The following HIKESHI variants were observed in gnomAD, a reference collection of about 807,000 sequenced individuals.
HIKESHI encodes protein Hikeshi.
Under a neutral mutation model 25.7 loss-of-function variants are expected in HIKESHI, and 13 were observed. That is an observed-to-expected ratio of 0.51 (90% CI 0.33 to 0.80). The LOEUF (loss-of-function observed/expected upper bound fraction) is 0.80, where lower values mean the gene tolerates loss of function less well. HIKESHI is among the 30% of genes least tolerant of loss of function. The pLI is 0.02. For synonymous variants in HIKESHI, 76 were observed against 78.7 expected, an observed-to-expected ratio of 0.97 and a Z score of 0.18; for missense variants, 174 against 229.5, an observed-to-expected ratio of 0.76 and a Z score of 1.56.
At chr11:86,320,281 G>T (rs962056933) in intron 2 of HIKESHI, among the ~76,000 whole-genome samples, 1 of 152,080 alleles carries the variant, frequency 6.6e-6, no homozygotes, top group African/African-American at 2.4e-5. Context: ...AAGAAATCTT[G>T]TAAAGAACAA....
At chr11:86,317,071 C>T (rs1057001616) in intron 2 of HIKESHI, among the ~76,000 whole-genome samples, 3 of 152,002 alleles carry the variant, frequency 2.0e-5, no homozygotes, top group Non-Finnish European at 4.4e-5. Context: ...GGATTACAGG[C>T]ATGAGCCACC....
chr11:86,344,254 T>C (rs1593883347), intron 3 of HIKESHI: 1 of 177,516 alleles, frequency 5.6e-6, no homozygotes, highest in East Asian at 1.4e-4. Context: ...TTTTTTTCTT[T>C]TTTTTTCCCC....
rs78373250 is a variant in HIKESHI at position 86,334,529 on chromosome 11, G to A, written c.269-2850G>A. On this transcript the variant is annotated intron_variant, in intron 2 of 4. Coordinates refer to ENST00000278483, the MANE Select transcript of HIKESHI (RefSeq NM_016401.4). The stretch of plus-strand genomic sequence containing the variant: ...ATATTAAGACTAGGTCATATATTTT[G>A]CTTGCTCTTCTTTGTATTATGATTT... Among the ~76,000 whole-genome samples the A allele has an allele frequency of 6.6e-4, 101 of 152,142 alleles. 1 individual carries two copies. The East Asian group carries it at 0.018, about 27-fold the overall frequency.
chr11:86,318,531 C>T (rs1462786229), intron 2 of HIKESHI, among the ~76,000 whole-genome samples: 1 of 151,678 alleles, frequency 6.6e-6, no homozygotes, highest in Non-Finnish European at 1.5e-5. Context: ...GCCAATATAA[C>T]CTTCATACCA....
chr11:86,305,190 G>A (rs115896242), intron 1 of HIKESHI, among the ~76,000 whole-genome samples: 232 of 151,326 alleles, frequency 1.5e-3, no homozygotes, highest in African/African-American at 5.4e-3. Flanking sequence ...TGTAGAGATC[G>A]GATTTTGCCA....
intron 2 of HIKESHI, among the ~76,000 whole-genome samples, chr11:86,325,148 A>C (rs1445015943): frequency 6.6e-6 from 1 of 152,030 alleles, no homozygotes; most frequent in Non-Finnish European, 1.5e-5. Context: ...ACTCTTCTCC[A>C]GCCTGGATGA....
chr11:86,316,138 AG>A, intron 2 of HIKESHI, among the ~76,000 whole-genome samples: 1 of 125,198 alleles, frequency 8.0e-6, no homozygotes, highest in Admixed American at 8.3e-5. Flanking sequence ...AAAAAAAAAA[AG>A]TGCACCTTCC....
rs1947357355 is a variant in HIKESHI at position 86,329,101 on chromosome 11, A to G, written c.269-8278A>G. 2.0e-5 allele frequency among the ~76,000 whole-genome samples: 3 copies of G among 152,022 alleles called. No homozygotes were observed. The South Asian group carries it at 6.2e-4, about 32-fold the overall frequency. On this transcript the variant is annotated intron_variant, in intron 2 of 4. Coordinates refer to ENST00000278483, the MANE Select transcript of HIKESHI (RefSeq NM_016401.4). ...TTTCCTATTAACCAAGTAAAGTGAT[A>G]AACAGATACATTCTTATGTTTAGGT...
intron 3 of HIKESHI, among the ~76,000 whole-genome samples, chr11:86,342,477 TCGTGTGTGTGTGTGTGTG>T (rs1300301005): frequency 5.0e-5 from 5 of 100,512 alleles, no homozygotes; most frequent in East Asian, 3.2e-4. Flanking sequence ...ATAAAGATGT[TCGTGTGTGTGTGTGTGTG>T]TGTGTGTGTG....
intron 1 of HIKESHI, among the ~76,000 whole-genome samples, chr11:86,303,687 T>G (rs974957723): frequency 3.3e-5 from 5 of 152,246 alleles, no homozygotes; most frequent in African/African-American, 1.2e-4. Flanking sequence ...GGTCCTTTAA[T>G]TATGGAGTAT....
intron 3 of HIKESHI, among the ~76,000 whole-genome samples, chr11:86,338,376 A>G (rs1450603666): frequency 6.6e-6 from 1 of 152,070 alleles, no homozygotes; most frequent in South Asian, 2.1e-4. Context: ...CCTTGAGTAG[A>G]AAATAGCAGC....
At position 86,328,931 on chromosome 11, in the gene HIKESHI, C is replaced by T. The variant is rs527411927; in HGVS notation, c.269-8448C>T. ...TTGTGTGTGTGTGTGTGTGTGTGCGCGCACACACACACACACGCTCCTCAC... is the reference window on the plus strand; with the variant it reads ...TTGTGTGTGTGTGTGTGTGTGTGCGTGCACACACACACACACGCTCCTCAC... On this transcript the variant is annotated intron_variant, in intron 2 of 4. Transcript: ENST00000278483. Among the ~76,000 whole-genome samples the T allele has an allele frequency of 1.9e-3, 283 of 150,508 alleles. 2 individuals carry two copies. Among genetic ancestry groups the T allele is most frequent in the African/African-American group, 6.7e-3 (274 of 41,046 alleles).
intron 3 of HIKESHI, among the ~76,000 whole-genome samples, chr11:86,342,201 G>T (rs987222548): frequency 5.3e-5 from 8 of 151,946 alleles, no homozygotes; most frequent in Non-Finnish European, 1.0e-4. Flanking sequence ...ATTTTCTGTT[G>T]TATTGCTTTT....
At chr11:86,311,553 A>G (rs904359365) in intron 2 of HIKESHI, among the ~76,000 whole-genome samples, 3 of 152,066 alleles carry the variant, frequency 2.0e-5, no homozygotes, top group East Asian at 1.9e-4. Context: ...TTCTGTCTCT[A>G]TCTCCTTCAG....
chr11:86,345,568 G>A lies in HIKESHI; in HGVS notation c.540-16G>A, dbSNP rs762361741. The stretch of plus-strand genomic sequence containing the variant: ...AATTTTCTTGTGAATGTAAATATAT[G>A]TGTTTTCTTTTCTAGGTATGAAAAC... On this transcript the variant is annotated splice_polypyrimidine_tract_variant and intron_variant, in intron 4 of 4. Coordinates refer to ENST00000278483, the MANE Select transcript of HIKESHI (RefSeq NM_016401.4). The A allele has an allele frequency of 8.9e-6, 13 of 1,455,792 alleles. No individual in the cohort carries two copies. The highest frequency in any genetic ancestry group is 1.2e-5 in the Non-Finnish European group (13 of 1,053,980). The allele number at this position is 1,455,792 out of a possible 1,614,324, so 90.2% of individuals were successfully genotyped here.
At chr11:86,340,888 C>A (rs1269057382) in intron 3 of HIKESHI, among the ~76,000 whole-genome samples, 1 of 152,152 alleles carries the variant, frequency 6.6e-6, no homozygotes, top group Non-Finnish European at 1.5e-5. Context: ...CGTGATCCAC[C>A]CACTTTGGCC....
chr11:86,345,083 G>A (rs942233025), intron 4 of HIKESHI: 19 of 1,084,932 alleles, frequency 1.8e-5, no homozygotes, highest in Admixed American at 4.9e-5. Flanking sequence ...CAACTTTCCC[G>A]TGTTTTATAG....
At chr11:86,334,467 G>A (rs563001192) in intron 2 of HIKESHI, among the ~76,000 whole-genome samples, 2 of 152,152 alleles carry the variant, frequency 1.3e-5, no homozygotes, top group African/African-American at 2.4e-5. Context: ...TGTTAACAGT[G>A]TTTTAAAGAA....
intron 2 of HIKESHI, among the ~76,000 whole-genome samples, chr11:86,329,683 GT>G (rs1947372472): frequency 6.6e-6 from 1 of 151,520 alleles, no homozygotes; most frequent in African/African-American, 2.4e-5. Flanking sequence ...CATAACAATG[GT>G]TTTTTCTTCC....
Sources: gnomAD v4.1 joint callset for allele counts (sites outside exome capture counted in the v4.1 genomes callset) on GRCh38, gnomAD v4.1.1 for gene constraint, MANE v1.5 for transcripts, NCBI Gene and HGNC (gene_info 2026-07-23, HGNC 2026-07-21) for gene names.